The following ARB2A variants were observed in gnomAD, a reference collection of about 807,000 sequenced individuals.
The protein encoded by ARB2A is ARB2 cotranscriptional regulator A.
the ARB2A span, among the ~76,000 whole-genome samples, chr5:93,669,975 G>A: frequency 6.6e-6 from 1 of 151,928 alleles, no homozygotes; most frequent in Non-Finnish European, 1.5e-5. Context: ...CCAAAATTTT[G>A]CTCCCAATTT....
the ARB2A span, chr5:93,865,850 T>C: frequency 7.1e-6 from 7 of 985,374 alleles, no homozygotes; most frequent in Non-Finnish European, 8.4e-6. Flanking sequence ...TTTATACAAT[T>C]TGTGAGGTCA....
At chr5:94,060,836 G>A in the ARB2A span, among the ~76,000 whole-genome samples, 19 of 152,146 alleles carry the variant, frequency 1.2e-4, no homozygotes, top group South Asian at 3.3e-3. Context: ...ATGACAGAAC[G>A]GTTCACTATT....
At chr5:93,963,045 T>C in the ARB2A span, among the ~76,000 whole-genome samples, 1 of 152,080 alleles carries the variant, frequency 6.6e-6, no homozygotes, top group South Asian at 2.1e-4. Flanking sequence ...GTTAGCAGAC[T>C]CAATATTAAT....
At chr5:93,844,674 G>C in the ARB2A span, among the ~76,000 whole-genome samples, 1 of 152,080 alleles carries the variant, frequency 6.6e-6, no homozygotes, top group African/African-American at 2.4e-5. Context: ...GAGAGTAACA[G>C]AAGAATAAAG....
the ARB2A span, chr5:93,738,701 G>A: frequency 6.6e-6 from 1 of 152,204 alleles, no homozygotes; most frequent in Non-Finnish European, 1.5e-5. Flanking sequence ...AAATAAGCCA[G>A]ATACAAAAGG....
the ARB2A span, among the ~76,000 whole-genome samples, chr5:93,816,314 A>T: frequency 1.3e-5 from 2 of 152,190 alleles, no homozygotes; most frequent in Admixed American, 1.3e-4. Context: ...CCTTCTTATA[A>T]AAGGCTTACA....
At chr5:93,685,148 T>A in the ARB2A span, among the ~76,000 whole-genome samples, 1 of 152,184 alleles carries the variant, frequency 6.6e-6, no homozygotes, top group Admixed American at 6.6e-5. Flanking sequence ...ATATTTCTCA[T>A]CAGAAATGTC....
chr5:94,009,083 T>C, the ARB2A span, among the ~76,000 whole-genome samples: 9 of 152,146 alleles, frequency 5.9e-5, no homozygotes, highest in Non-Finnish European at 1.3e-4. Flanking sequence ...GGATCATGTA[T>C]TATGTCTCAA....
the ARB2A span, among the ~76,000 whole-genome samples, chr5:93,624,440 A>T: frequency 2.6e-5 from 4 of 152,232 alleles, no homozygotes; most frequent in Non-Finnish European, 4.4e-5. Flanking sequence ...TCCACATTAA[A>T]TATCTGCCAA....
At chr5:94,101,864 A>C in the ARB2A span, among the ~76,000 whole-genome samples, 1 of 152,016 alleles carries the variant, frequency 6.6e-6, no homozygotes, top group Non-Finnish European at 1.5e-5. Flanking sequence ...TACCTGGGTG[A>C]TGTAGTAATA....
At chr5:93,951,781 C>T in the ARB2A span, among the ~76,000 whole-genome samples, 1 of 152,214 alleles carries the variant, frequency 6.6e-6, no homozygotes, top group South Asian at 2.1e-4. Flanking sequence ...GTAATTATTG[C>T]TTATTGTATG....
chr5:93,910,285 T>C, the ARB2A span, among the ~76,000 whole-genome samples: 1 of 151,070 alleles, frequency 6.6e-6, no homozygotes, highest in African/African-American at 2.4e-5. Flanking sequence ...TATATAACTA[T>C]ATGATCTTCT....
At chr5:93,943,313 T>C in the ARB2A span, among the ~76,000 whole-genome samples, 1 of 152,242 alleles carries the variant, frequency 6.6e-6, no homozygotes, top group Admixed American at 6.5e-5. Context: ...GTAGCTTGTT[T>C]TAATAAGTAT....
chr5:94,100,782 T>C, the ARB2A span, among the ~76,000 whole-genome samples: 1 of 152,074 alleles, frequency 6.6e-6, no homozygotes, highest in Non-Finnish European at 1.5e-5. Flanking sequence ...TATACAAGAA[T>C]AAACTCAAAT....
At chr5:93,918,437 T>C in the ARB2A span, among the ~76,000 whole-genome samples, 603 of 146,470 alleles carry the variant, frequency 4.1e-3, 3 homozygotes, top group Non-Finnish European at 6.5e-3. Flanking sequence ...TTTCTTTTTT[T>C]TTTTTTTTTT....
At chr5:93,936,073 G>C in the ARB2A span, among the ~76,000 whole-genome samples, 1 of 152,112 alleles carries the variant, frequency 6.6e-6, no homozygotes. Flanking sequence ...TATACTAAAA[G>C]TATGTCTAGA....
At chr5:93,750,955 T>C in the ARB2A span, among the ~76,000 whole-genome samples, 1 of 152,134 alleles carries the variant, frequency 6.6e-6, no homozygotes, top group Admixed American at 6.5e-5. Context: ...AAAAAGTAAA[T>C]AAAAGTAAAA....
chr5:93,722,904 C>G, the ARB2A span, among the ~76,000 whole-genome samples: 1 of 152,072 alleles, frequency 6.6e-6, no homozygotes, highest in Admixed American at 6.6e-5. Flanking sequence ...AGATTTTAAG[C>G]GTTCCTCTTA....
chr5:94,051,816 T>A, the ARB2A span, among the ~76,000 whole-genome samples: 1 of 152,160 alleles, frequency 6.6e-6, no homozygotes, highest in African/African-American at 2.4e-5. Context: ...TCTACATTTA[T>A]TTTTATTTAT....
Sources: allele counts gnomAD v4.1 joint callset (sites outside exome capture counted in the v4.1 genomes callset), GRCh38; gene constraint gnomAD v4.1.1; transcripts MANE v1.5; gene names NCBI Gene and HGNC (gene_info 2026-07-23, HGNC 2026-07-21).